The following MAP4K4 variants were observed in gnomAD, a reference collection of about 807,000 sequenced individuals.
MAP4K4 encodes HPK/GCK-like kinase HGK.
Under a neutral mutation model 189.6 loss-of-function variants are expected in MAP4K4, and 38 were observed. That is an observed-to-expected ratio of 0.20 (90% CI 0.15 to 0.26). MAP4K4 has a LOEUF of 0.26. Ranked by LOEUF, MAP4K4 falls within the 10% of genes least tolerant of loss-of-function variation. The pLI is 1.00. For synonymous variants in MAP4K4, 610 were observed against 624.3 expected (o/e 0.98, Z 0.34); for missense variants, 1,054 against 1,726.9 (o/e 0.61, Z 6.91).
chr2:101,721,579 G>A (rs1168163250), intron 2 of MAP4K4, among the ~76,000 whole-genome samples: 1 of 152,002 alleles, frequency 6.6e-6, no homozygotes, highest in African/African-American at 2.4e-5. Context: ...GAGTTTACAG[G>A]CTCACGCCAC....
chr2:101,846,909 C>T (rs543873123), intron 12 of MAP4K4, among the ~76,000 whole-genome samples: 140 of 152,230 alleles, frequency 9.2e-4, no homozygotes, highest in African/African-American at 3.2e-3. Flanking sequence ...TAGAGTGATC[C>T]CGTATTTGGG....
intron 2 of MAP4K4, among the ~76,000 whole-genome samples, chr2:101,706,178 C>T (rs114279680): frequency 1.6e-4 from 24 of 152,252 alleles, no homozygotes; most frequent in African/African-American, 5.5e-4. Flanking sequence ...GCTGCTACAT[C>T]TGAAATTTAT....
intron 2 of MAP4K4, among the ~76,000 whole-genome samples, chr2:101,703,335 G>C (rs749838809): frequency 2.0e-5 from 3 of 152,106 alleles, no homozygotes; most frequent in Non-Finnish European, 4.4e-5. Flanking sequence ...TACACGGTTT[G>C]CCCACAGTAT....
At chr2:101,755,577 ATGTC>A (rs1190766946) in intron 2 of MAP4K4, among the ~76,000 whole-genome samples, 7 of 151,920 alleles carry the variant, frequency 4.6e-5, no homozygotes, top group African/African-American at 1.5e-4. Context: ...TGGTCTCTTT[ATGTC>A]TGTCTGTCTG....
Position 101,699,729 on chromosome 2 carries a change from C to A in MAP4K4, c.123+1191C>A, listed in dbSNP as rs80250839. Among the ~76,000 whole-genome samples the A allele has an allele frequency of 2.0e-5, 3 of 152,294 alleles. No individual in the cohort carries two copies. The East Asian group carries it at 5.8e-4, about 29-fold the overall frequency. ...GAACGCCTCTCCTTAGCCTAGACTT[C>A]TAGCCTGGGTAGTGTACTGTACTGG... On this transcript the variant is annotated intron_variant, in intron 2 of 32. Transcript: ENST00000324219.
chr2:101,776,627 C>T (rs2084333575), intron 2 of MAP4K4, among the ~76,000 whole-genome samples: 1 of 114,638 alleles, frequency 8.7e-6, no homozygotes, highest in African/African-American at 3.4e-5. Context: ...ACAATTTAGT[C>T]AATGAATTAC....
intron 2 of MAP4K4, among the ~76,000 whole-genome samples, chr2:101,788,636 C>T (rs1329522306): frequency 1.3e-5 from 2 of 152,142 alleles, no homozygotes; most frequent in Admixed American, 6.5e-5. Context: ...CATGGTCTGG[C>T]CTCATCACAA....
intron 20 of MAP4K4, 101 bp downstream of exon 20, chr2:101,867,410 C>G: frequency 2.5e-6 from 2 of 815,988 alleles, no homozygotes; most frequent in Non-Finnish European, 4.0e-6. Context: ...TCTGCGAGGG[C>G]CCCTCACAGA....
chr2:101,873,973 C>G (rs2098127401), intron 25 of MAP4K4, 109 bp from the exon 26 acceptor site: 1 of 989,756 alleles, frequency 1.0e-6, no homozygotes, highest in South Asian at 1.7e-5. Flanking sequence ...TTCTCTTTGA[C>G]AAAGTGTTGG....
At chr2:101,735,167 C>G (rs2059869590) in intron 2 of MAP4K4, among the ~76,000 whole-genome samples, 1 of 152,050 alleles carries the variant, frequency 6.6e-6, no homozygotes, top group Non-Finnish European at 1.5e-5. Flanking sequence ...ATGAATGAGA[C>G]CACTGTTACC....
At chr2:101,717,177 C>T (rs1031313565) in intron 2 of MAP4K4, among the ~76,000 whole-genome samples, 3 of 152,138 alleles carry the variant, frequency 2.0e-5, no homozygotes, top group Non-Finnish European at 4.4e-5. Flanking sequence ...GCAACACCAA[C>T]ACTCTACCTG....
chr2:101,753,442 G>A (rs535266570), intron 2 of MAP4K4, among the ~76,000 whole-genome samples: 2 of 152,322 alleles, frequency 1.3e-5, no homozygotes, highest in African/African-American at 2.4e-5. Context: ...GCAGGCAAGA[G>A]GCTGTGGAAA....
intron 3 of MAP4K4, among the ~76,000 whole-genome samples, chr2:101,821,950 C>T (rs537622529): frequency 1.3e-5 from 2 of 152,092 alleles, no homozygotes; most frequent in Non-Finnish European, 2.9e-5. Context: ...TATCTTAGGC[C>T]TACACATGGT....
intron 12 of MAP4K4, among the ~76,000 whole-genome samples, chr2:101,852,016 C>G (rs2097301859): frequency 6.6e-6 from 1 of 151,912 alleles, no homozygotes; most frequent in Non-Finnish European, 1.5e-5. Flanking sequence ...AGGGCTCATT[C>G]AAATTTAAGC....
chr2:101,872,813 C>CT (rs911219888), intron 24 of MAP4K4, among the ~76,000 whole-genome samples: 23 of 152,242 alleles, frequency 1.5e-4, no homozygotes, highest in African/African-American at 3.4e-4. Flanking sequence ...AGACATGTTC[C>CT]TTTTTTCTCC....
intron 5 of MAP4K4, 44 bp from the exon 6 acceptor site, chr2:101,829,453 TTTACTTA>T (rs2096521229): frequency 7.9e-7 from 1 of 1,259,086 alleles, no homozygotes; most frequent in African/African-American, 1.5e-5. Flanking sequence ...TTCCTGGCTG[TTTACTTA>T]TAGTCACAGA....
intron 3 of MAP4K4, among the ~76,000 whole-genome samples, chr2:101,806,463 C>T (rs1241831513): frequency 6.6e-6 from 1 of 151,510 alleles, no homozygotes; most frequent in Non-Finnish European, 1.5e-5. Context: ...GCAACCTCCA[C>T]CTCCCAGGTT....
chr2:101,760,811 C>T (rs1354743198), intron 2 of MAP4K4, among the ~76,000 whole-genome samples: 1 of 152,106 alleles, frequency 6.6e-6, no homozygotes, highest in African/African-American at 2.4e-5. Flanking sequence ...GGCGACCAGG[C>T]TGACCAACAT....
chr2:101,894,108 A>AT (rs2098599740), exon 33 of MAP4K4: 1 of 152,530 alleles, frequency 6.6e-6, no homozygotes. Context: ...GAAAGGAATT[A>AT]TTTTCCCCCC....
Sources: gnomAD v4.1 joint callset for allele counts (sites outside exome capture counted in the v4.1 genomes callset) on GRCh38, gnomAD v4.1.1 for gene constraint, MANE v1.5 for transcripts, NCBI Gene and HGNC (gene_info 2026-07-23, HGNC 2026-07-21) for gene names.